Variants in RBFOX1 observed in about 807,000 individuals in gnomAD.
RBFOX1 encodes RNA binding protein fox-1 homolog 1.
In RBFOX1, 8 loss-of-function variants were observed where a neutral mutation model predicts 57.7. The observed-to-expected ratio is 0.14, with a 90% CI of 0.08 to 0.25. The LOEUF (loss-of-function observed/expected upper bound fraction) is 0.25. Ranked by LOEUF, RBFOX1 falls within the 10% of genes least tolerant of loss-of-function variation. The pLI is 1.00. For missense variants in RBFOX1, 611 were observed against 548.5 expected, an observed-to-expected ratio of 1.11 and a Z score of -1.14; for synonymous variants, 326 against 222.4, an observed-to-expected ratio of 1.47 and a Z score of -4.15.
At chr16:5,265,139 G>A (rs1322404321) in intron 1 of RBFOX1, among the ~76,000 whole-genome samples, 1 of 152,152 alleles carries the variant, frequency 6.6e-6, no homozygotes, top group Non-Finnish European at 1.5e-5. Flanking sequence ...AAAAATCTGA[G>A]AATCTGTAGC....
chr16:5,709,843 ATTTTTTTTTTTTTTTT>A (rs35733374), intron 3 of RBFOX1, among the ~76,000 whole-genome samples: 54 of 12,268 alleles, frequency 4.4e-3, no homozygotes, highest in East Asian at 0.013. Context: ...ATATATATAT[ATTTTTTTTTTTTTTTT>A]TTTTTTTTTT....
In RBFOX1 at chr16:6,680,294, T is replaced by TTTTTTTTTTTTTG. The variant is rs60731674; in HGVS notation, c.-16+25644_-16+25645insTTTTTTTTTTTTG. Among the ~76,000 whole-genome samples the TTTTTTTTTTTTTG allele has an allele frequency of 1.3e-3, 129 of 103,056 alleles. 3 individuals carry two copies. Among genetic ancestry groups the TTTTTTTTTTTTTG allele is most frequent in the South Asian group, 1.7e-3 (5 of 2,864 alleles). The allele number at this position is 103,056 out of a possible 152,430, so 67.6% of individuals were successfully genotyped here. A position where few individuals can be genotyped will look rare whatever the true frequency, so the allele number is the denominator to read the frequency against. ...TCTCTCTTTTTTTTTTTTTTTTTTT[T>TTTTTTTTTTTTTG]ATTTGTCGCCCAGGCTGGAGTGCAG... On this transcript the variant is annotated intron_variant, in intron 3 of 15. Coordinates refer to ENST00000550418, the MANE Select transcript of RBFOX1 (RefSeq NM_018723.4).
intron 4 of RBFOX1, among the ~76,000 whole-genome samples, chr16:7,078,504 CG>C (rs1294605717): frequency 6.6e-6 from 1 of 151,776 alleles, no homozygotes; most frequent in Non-Finnish European, 1.5e-5. Context: ...CCTGCCATCA[CG>C]CCTGGCTAAT....
chr16:6,895,502 G>C (rs2066665069), intron 3 of RBFOX1, among the ~76,000 whole-genome samples: 1 of 111,928 alleles, frequency 8.9e-6, no homozygotes, highest in Non-Finnish European at 1.8e-5. Context: ...TCCCCTATTG[G>C]ATAACAAGCT....
In RBFOX1 at chr16:7,209,894, C is replaced by G. The variant is rs150362365; in HGVS notation, c.27+157796C>G. On this transcript the variant is annotated intron_variant, in intron 4 of 15. Coordinates refer to ENST00000550418, the MANE Select transcript of RBFOX1 (RefSeq NM_018723.4). ...CTCAAGGTCTTGAAAATGCCTGACC[C>G]CTAGTGCAGGGGTTCCATGATGCAC... Among the ~76,000 whole-genome samples, 542 of 152,280 alleles carry G rather than the reference C, an allele frequency of 3.6e-3. 4 individuals carry two copies. The highest frequency in any genetic ancestry group is 0.012 in the African/African-American group (507 of 41,564).
At chr16:5,795,477 A>AT (rs937132181) in intron 3 of RBFOX1, among the ~76,000 whole-genome samples, 2 of 151,938 alleles carry the variant, frequency 1.3e-5, no homozygotes, top group South Asian at 2.1e-4. Flanking sequence ...TAAATTTTTA[A>AT]TTTTTTGTGG....
Position 6,583,072 on chromosome 16 carries a change from C to T in RBFOX1, c.-63-71531C>T, listed in dbSNP as rs865874399. 6.6e-5 allele frequency among the ~76,000 whole-genome samples: 10 copies of T among 151,922 alleles called. No homozygotes were observed. The South Asian group carries it at 1.5e-3, about 22-fold the overall frequency. ...CCTTCTCTTTGGTGTTCACTCCATT[C>T]TCAGGTAAATTCTCCCCACAAGGAA... On this transcript the variant is annotated intron_variant, in intron 2 of 15. Coordinates refer to ENST00000550418, the MANE Select transcript of RBFOX1 (RefSeq NM_018723.4).
rs116948251 is a variant in RBFOX1, at chr16:7,027,382, A to G, written c.-15-24675A>G. ...AAGTATTTTTTAGATATAATCTCAT[A>G]GATGCCTAACAAAAACCCTGTAAGT... is the stretch of plus-strand genomic sequence containing the variant. On this transcript the variant is annotated intron_variant, in intron 3 of 15. Transcript: ENST00000550418. 9.8e-5 allele frequency among the ~76,000 whole-genome samples: 15 copies of G among 152,306 alleles called. No individual in the cohort carries two copies. The East Asian group carries it at 2.9e-3, about 29-fold the overall frequency.
At chr16:7,647,492 A>G (rs2063978421) in intron 11 of RBFOX1, among the ~76,000 whole-genome samples, 1 of 151,532 alleles carries the variant, frequency 6.6e-6, no homozygotes, top group Admixed American at 6.6e-5. Flanking sequence ...CGTCCTTTCC[A>G]TTGTTCCTTA....
chr16:7,425,572 C>A (rs1387741365), intron 4 of RBFOX1, among the ~76,000 whole-genome samples: 2 of 152,172 alleles, frequency 1.3e-5, no homozygotes, highest in African/African-American at 4.8e-5. Flanking sequence ...GGCAAATGTT[C>A]CTTCTGAAAT....
At position 6,931,364 on chromosome 16, in the gene RBFOX1, T is replaced by C. The variant is rs946135883; in HGVS notation, c.-15-120693T>C. On this transcript the variant is annotated intron_variant, in intron 3 of 15. Coordinates refer to ENST00000550418, the MANE Select transcript of RBFOX1 (RefSeq NM_018723.4). ...CTACACACACACACACACACACACA[T>C]ACATACACATATATACATACATATA... is the stretch of plus-strand genomic sequence containing the variant. 6.3e-3 allele frequency among the ~76,000 whole-genome samples: 896 copies of C among 141,762 alleles called. 10 individuals carry two copies. Among genetic ancestry groups the C allele is most frequent in the African/African-American group, 0.025 (864 of 34,060 alleles). The allele number at this position is 141,762 out of a possible 152,430, so 93.0% of individuals were successfully genotyped here.
At chr16:5,540,437 G>A (rs1410392675) in intron 2 of RBFOX1, among the ~76,000 whole-genome samples, 2 of 152,150 alleles carry the variant, frequency 1.3e-5, no homozygotes, top group African/African-American at 4.8e-5. Flanking sequence ...TCTGATATAT[G>A]GCACACCAAT....
chr16:7,576,700 A>T (rs1484682054), intron 5 of RBFOX1, among the ~76,000 whole-genome samples: 1 of 152,252 alleles, frequency 6.6e-6, no homozygotes, highest in East Asian at 1.9e-4. Context: ...GTATAATGCT[A>T]TTAATCATTT....
At chr16:5,319,773 G>T (rs1316003689) in intron 1 of RBFOX1, among the ~76,000 whole-genome samples, 1 of 152,220 alleles carries the variant, frequency 6.6e-6, no homozygotes, top group Non-Finnish European at 1.5e-5. Context: ...ACAGTTTATG[G>T]TAGATGCTGG....
At chr16:7,507,873 AT>A (rs1032100871) in intron 4 of RBFOX1, among the ~76,000 whole-genome samples, 5 of 147,674 alleles carry the variant, frequency 3.4e-5, no homozygotes, top group Admixed American at 1.4e-4. Flanking sequence ...GGAATCTGTT[AT>A]TTTTAAAAGA....
chr16:5,270,710 A>G (rs1205028313), intron 1 of RBFOX1: 7 of 499,498 alleles, frequency 1.4e-5, no homozygotes, highest in Non-Finnish European at 2.2e-5. Flanking sequence ...CAGACAAATG[A>G]CTTGAAAGAA....
chr16:5,391,704 T>C (rs1341332952), intron 1 of RBFOX1, among the ~76,000 whole-genome samples: 3 of 152,132 alleles, frequency 2.0e-5, no homozygotes, highest in Non-Finnish European at 4.4e-5. Flanking sequence ...GTCTTCCCTG[T>C]GTCTACATGT....
chr16:6,645,330 C>G (rs1041872783), intron 2 of RBFOX1, among the ~76,000 whole-genome samples: 1 of 152,134 alleles, frequency 6.6e-6, no homozygotes, highest in Non-Finnish European at 1.5e-5. Context: ...TGGGGGGCTG[C>G]TGTTGAACCC....
At chr16:6,467,658 C>T (rs889971772) in intron 2 of RBFOX1, among the ~76,000 whole-genome samples, 3 of 152,106 alleles carry the variant, frequency 2.0e-5, no homozygotes, top group Non-Finnish European at 4.4e-5. Context: ...AATGTGCATG[C>T]AGTTTTTAAG....
Sources: allele counts gnomAD v4.1 joint callset (sites outside exome capture counted in the v4.1 genomes callset), GRCh38; gene constraint gnomAD v4.1.1; transcripts MANE v1.5; gene names NCBI Gene and HGNC (gene_info 2026-07-23, HGNC 2026-07-21).